The following IFT80 variants were observed in gnomAD, a reference collection of about 807,000 sequenced individuals.
IFT80 encodes the protein intraflagellar transport 80, also known as intraflagellar transport protein 80 homolog.
IFT80 carries 79 observed loss-of-function variants against 107.9 expected under a neutral mutation model. That is an observed-to-expected ratio of 0.73 (90% CI 0.61 to 0.88). IFT80 has a LOEUF of 0.88. Among genes scored for constraint, IFT80 ranks in the 40% least tolerant of loss-of-function variants. The probability of loss-of-function intolerance (pLI) is 0.00; values close to 1 mark genes in which losing one functional copy is unlikely to be tolerated. For missense variants in IFT80, 797 were observed against 914.2 expected (o/e 0.87, Z 1.65); for synonymous variants, 299 against 300.9 (o/e 0.99, Z 0.07).
chr3:160,271,449 C>A (rs1713799104), intron 18 of IFT80, among the ~76,000 whole-genome samples: 1 of 152,110 alleles, frequency 6.6e-6, no homozygotes, highest in Admixed American at 6.5e-5. Context: ...TATTAATATG[C>A]ACATAAAGGA....
chr3:160,396,447 T>C lies in IFT80; in HGVS notation c.-47+2699A>G, dbSNP rs564954520. Among the ~76,000 whole-genome samples the C allele has an allele frequency of 4.2e-4, 64 of 152,304 alleles. 3 individuals are homozygous for C. The South Asian group carries it at 0.012, about 29-fold the overall frequency. Reference sequence around the variant, plus strand: ...TAATTTCAGCCTTTCTGAAATGTTATGACATTAGAAGGCAAACAAAACACA... The same window carrying C: ...TAATTTCAGCCTTTCTGAAATGTTACGACATTAGAAGGCAAACAAAACACA... On this transcript the variant is annotated intron_variant, in intron 1 of 19. Coordinates refer to ENST00000326448, the MANE Select transcript of IFT80 (RefSeq NM_020800.3).
rs750185428 is a variant in IFT80, at chr3:160,279,291, G to A, written c.1738C>T (p.Leu580=). 1.5e-5 allele frequency: 24 copies of A among 1,612,806 alleles called. 1 individual carries two copies. The South Asian group carries it at 2.6e-4, about 18-fold the overall frequency. ...TATGGTGTTATGCTGATGTGAACCAGGGAGCCATCAGCTCTTCTAATAGTT... is the reference window on the plus strand; with the variant it reads ...TATGGTGTTATGCTGATGTGAACCAAGGAGCCATCAGCTCTTCTAATAGTT... ...QVTIRRADGS[L]VHISITPYPA... is the part of the protein sequence containing the mutation. Residue 580 remains leucine (L), a synonymous_variant, in exon 16 of 20, where the codon CTG becomes TTG. Transcript: ENST00000326448.
intron 15 of IFT80, among the ~76,000 whole-genome samples, chr3:160,280,079 T>C (rs1027972059): frequency 2.6e-5 from 4 of 152,216 alleles, no homozygotes; most frequent in Admixed American, 6.5e-5. Context: ...CAAAACAGAT[T>C]TGAAAACTAA....
Position 160,344,563 on chromosome 3 carries a change from C to T in IFT80, c.777+11450G>A, listed in dbSNP as rs187442134. 3.1e-4 allele frequency among the ~76,000 whole-genome samples: 47 copies of T among 152,244 alleles called. No individual in the cohort carries two copies. The East Asian group carries it at 9.1e-3, about 29-fold the overall frequency. On this transcript the variant is annotated intron_variant, in intron 8 of 19. Coordinates refer to ENST00000326448, the MANE Select transcript of IFT80 (RefSeq NM_020800.3). ...TTTCTTGAGTAATACTCCACAAGTA[C>T]AGGCAACCAAAGCAAAAACGGACAA...
At chr3:160,356,583 T>A (rs1458296849) in intron 7 of IFT80, among the ~76,000 whole-genome samples, 3 of 152,216 alleles carry the variant, frequency 2.0e-5, no homozygotes, top group Non-Finnish European at 4.4e-5. Context: ...TACAGTAGCA[T>A]GATCATAGCT....
chr3:160,298,206 C>T (rs1321413438), intron 12 of IFT80, among the ~76,000 whole-genome samples: 1 of 152,058 alleles, frequency 6.6e-6, no homozygotes, highest in African/African-American at 2.4e-5. Context: ...AGGAAGGAAC[C>T]AGTGATATCA....
At chr3:160,299,885 A>G (rs1258827993) in intron 12 of IFT80, among the ~76,000 whole-genome samples, 1 of 152,130 alleles carries the variant, frequency 6.6e-6, no homozygotes, top group Non-Finnish European at 1.5e-5. Flanking sequence ...TACTCAGGAT[A>G]AAAACCTACG....
chr3:160,389,581 T>C (rs1196945242), intron 1 of IFT80, among the ~76,000 whole-genome samples: 5 of 148,500 alleles, frequency 3.4e-5, no homozygotes. Context: ...ATATGCGGTG[T>C]TTGGTTTTTT....
chr3:160,346,192 A>G (rs529192372), intron 8 of IFT80, among the ~76,000 whole-genome samples: 1 of 152,326 alleles, frequency 6.6e-6, no homozygotes, highest in African/African-American at 2.4e-5. Flanking sequence ...AATCTATTGC[A>G]TAGCATGGTT....
intron 9 of IFT80, among the ~76,000 whole-genome samples, chr3:160,316,848 G>A (rs1717859490): frequency 6.6e-6 from 1 of 152,086 alleles, no homozygotes; most frequent in South Asian, 2.1e-4. Context: ...AACTACCAAG[G>A]CCACAAAATA....
At chr3:160,321,251 T>C (rs1293701198) in intron 8 of IFT80, among the ~76,000 whole-genome samples, 1 of 152,024 alleles carries the variant, frequency 6.6e-6, no homozygotes, top group Non-Finnish European at 1.5e-5. Context: ...CTTTGGGCGA[T>C]AAAATGAAAT....
At chr3:160,379,862 T>C (rs1239912188) in intron 3 of IFT80, among the ~76,000 whole-genome samples, 1 of 152,082 alleles carries the variant, frequency 6.6e-6, no homozygotes, top group African/African-American at 2.4e-5. Context: ...AAAAACAAAG[T>C]TTTAAAAAAC....
chr3:160,305,972 C>T (rs1328471217), intron 10 of IFT80, among the ~76,000 whole-genome samples: 1 of 151,978 alleles, frequency 6.6e-6, no homozygotes, highest in African/African-American at 2.4e-5. Context: ...AAGTGATAGT[C>T]ATTATTATCT....
At chr3:160,351,862 T>C (rs1046035644) in intron 8 of IFT80, among the ~76,000 whole-genome samples, 8 of 152,054 alleles carry the variant, frequency 5.3e-5, no homozygotes, top group South Asian at 4.1e-4. Flanking sequence ...CTATTGATAA[T>C]TCAATGAATG....
rs936027129 is a variant in IFT80, at chr3:160,292,238, C to T, written c.1316-6370G>A. On this transcript the variant is annotated intron_variant, in intron 12 of 19. Coordinates refer to ENST00000326448, the MANE Select transcript of IFT80 (RefSeq NM_020800.3). The stretch of plus-strand genomic sequence containing the variant: ...AGAGAACATAATGCATTGATTTGGA[C>T]CACCTAGTCACATTTCGTCAGACCA... Among the ~76,000 whole-genome samples, 6 of 152,160 alleles carry T rather than the reference C, an allele frequency of 3.9e-5. No homozygotes were observed. The East Asian group carries it at 1.2e-3, about 29-fold the overall frequency.
intron 12 of IFT80, chr3:160,299,251 C>A: frequency 1.7e-6 from 2 of 1,152,810 alleles, no homozygotes; most frequent in Non-Finnish European, 2.2e-6. Flanking sequence ...AAAAAATTAC[C>A]AAAAGTCTTC....
chr3:160,344,467 C>T (rs941029032), intron 8 of IFT80, among the ~76,000 whole-genome samples: 4 of 152,058 alleles, frequency 2.6e-5, no homozygotes, highest in African/African-American at 7.2e-5. Context: ...AGTCTTAAAT[C>T]GAAGACCCAA....
intron 3 of IFT80, among the ~76,000 whole-genome samples, chr3:160,378,041 T>C (rs1712166192): frequency 6.6e-6 from 1 of 152,200 alleles, no homozygotes; most frequent in Non-Finnish European, 1.5e-5. Context: ...ATAATTAGCT[T>C]ATGTCCTTTA....
chr3:160,283,006 T>C (rs958470648), intron 13 of IFT80, among the ~76,000 whole-genome samples: 7 of 152,072 alleles, frequency 4.6e-5, no homozygotes, highest in Admixed American at 2.6e-4. Flanking sequence ...TAAATATTTG[T>C]AAAAAAAATT....
Sources: allele counts gnomAD v4.1 joint callset (sites outside exome capture counted in the v4.1 genomes callset), GRCh38; gene constraint gnomAD v4.1.1; transcripts MANE v1.5; gene names NCBI Gene and HGNC (gene_info 2026-07-23, HGNC 2026-07-21).